Variants in KCNA4 observed in about 807,000 individuals in gnomAD.
The protein encoded by KCNA4 is cardiac potassium channel.
In KCNA4, 5 loss-of-function variants were observed where a neutral mutation model predicts 37.2. The ratio of observed to expected loss-of-function variants is 0.13; its 90% confidence interval spans 0.07 to 0.28. The LOEUF (loss-of-function observed/expected upper bound fraction) is 0.28. Ranked by LOEUF, KCNA4 falls within the 10% of genes least tolerant of loss-of-function variation. KCNA4 has a pLI of 1.00. For synonymous variants in KCNA4, 350 were observed against 311.8 expected (o/e 1.12, Z -1.29); for missense variants, 634 against 817.4 (o/e 0.78, Z 2.74).
rs1850302874 is a variant in KCNA4, at chr11:30,011,509, G to C, written c.1170C>G (p.Cys390Trp). 2.5e-6 allele frequency: 4 copies of C among 1,614,140 alleles called. No individual in the cohort carries two copies. Among genetic ancestry groups the C allele is most frequent in the Non-Finnish European group, 3.4e-6 (4 of 1,180,028 alleles). ...VWFSFEFVVR[C>W]FACPSQALFF... Reference sequence around the variant, plus strand: ...AGAGTGCTTGGCTGGGACAAGCAAAGCAGCGAACCACAAACTCAAAGGAAA... The same window carrying C: ...AGAGTGCTTGGCTGGGACAAGCAAACCAGCGAACCACAAACTCAAAGGAAA... Residue 390 changes from cysteine (C) to tryptophan (W), a missense_variant, in exon 2 of 2, where the codon TGC becomes TGG. Physicochemically the swap from Cys to Trp is radical, Grantham distance 215 (BLOSUM62 -2). Around this residue, in one of 8 missense-constraint regions of KCNA4, gnomAD observed 252 missense variants for 344.2 expected, o/e 0.73. Coordinates refer to ENST00000328224, the MANE Select transcript of KCNA4 (RefSeq NM_002233.4). This position sits in a 1 kb window ranked among gnomAD's most constrained non-coding sequence, Gnocchi z 5.6.
In KCNA4 at chr11:30,012,289, C is replaced by T; in HGVS notation, c.390G>A (p.Glu130=). The change falls in exon 2 of 2, where the codon GAG becomes GAA. Residue 130 remains glutamate, a synonymous_variant. Transcript: ENST00000328224. ...ELSEEEEDEE[E]EEEEEEEGRF... ...TTCCCTCCTCTTCCTCCTCTTCCTC[C>T]TCCTCCTCATCTTCCTCCTCCTCAC... 1.2e-6 allele frequency: 2 copies of T among 1,614,044 alleles called. No individual in the cohort carries two copies. Among genetic ancestry groups the T allele is most frequent in the Non-Finnish European group, 1.7e-6 (2 of 1,179,994 alleles).
intron 1 of KCNA4, among the ~76,000 whole-genome samples, chr11:30,015,340 T>G (rs1009640989): frequency 6.6e-6 from 1 of 151,914 alleles, no homozygotes; most frequent in Admixed American, 6.6e-5. Context: ...CTTCCCCAAC[T>G]CCCCTAAAAC....
Position 30,012,490 on chromosome 11 carries a change from G to A in KCNA4, c.189C>T (p.His63=), listed in dbSNP as rs1216569829. The change falls in exon 2 of 2, where the codon CAC becomes CAT. Residue 63 remains histidine (H), a synonymous_variant. Coordinates refer to ENST00000328224, the MANE Select transcript of KCNA4 (RefSeq NM_002233.4). ...GSGGSGGGSH[H]HHQSRGACTS... is the part of the protein sequence containing the mutation. ...TACAGGCCCCGCGTGACTGGTGGTG[G>A]TGGTGGGAGCCCCCACCAGAACCCC... 6.2e-7 allele frequency: 1 copy of A among 1,610,852 alleles called. No homozygotes were observed. Among genetic ancestry groups the A allele is most frequent in the South Asian group, 1.1e-5 (1 of 91,074 alleles).
rs1850292328 is a variant in KCNA4, at chr11:30,010,453, T to C, written c.*264A>G. ...TCTCTCTCCATCTTTACTGTTAACATCTTTTCCAGTTAATGTGCAAAATTC... is the reference window on the plus strand; with the variant it reads ...TCTCTCTCCATCTTTACTGTTAACACCTTTTCCAGTTAATGTGCAAAATTC... On this transcript the variant is annotated 3_prime_UTR_variant, in exon 2 of 2. Coordinates refer to ENST00000328224, the MANE Select transcript of KCNA4 (RefSeq NM_002233.4). The C allele has an allele frequency of 2.0e-6, 1 of 494,296 alleles. No homozygotes were observed. The allele number at this position is 494,296 out of a possible 1,614,324, so 30.6% of individuals were successfully genotyped here.
rs750806119 is a variant in KCNA4, at chr11:30,011,468, A to G, written c.1211T>C (p.Met404Thr). 6.2e-7 allele frequency: 1 copy of G among 1,614,186 alleles called. No homozygotes were observed. Among genetic ancestry groups the G allele is most frequent in the Non-Finnish European group, 8.5e-7 (1 of 1,180,038 alleles). The change falls in exon 2 of 2, where the codon ATG becomes ACG. Residue 404 changes from methionine (M) to threonine (T), a missense_variant. Physicochemically the swap from Met to Thr is moderately conservative, Grantham distance 81. Coordinates refer to ENST00000328224, the MANE Select transcript of KCNA4 (RefSeq NM_002233.4). This position sits in a 1 kb window ranked among gnomAD's most constrained non-coding sequence, Gnocchi z 5.6. ...AATGGAGACAATGTCAATGATGTTC[A>G]TGATGTTTTTGAAGAAGAGTGCTTG... ...PSQALFFKNIMNIIDIVSILP... is the reference protein window; with the variant it reads ...PSQALFFKNITNIIDIVSILP...
chr11:30,014,950 C>T lies in KCNA4; in HGVS notation c.-782-1490G>A, dbSNP rs143023305. ...GCCATTAACAGGATTCAGCTCTTGA[C>T]CACCTGCTGCTCCTTGCTGATCCTG... On this transcript the variant is annotated intron_variant, in intron 1 of 1. Coordinates refer to ENST00000328224, the MANE Select transcript of KCNA4 (RefSeq NM_002233.4). Among the ~76,000 whole-genome samples the T allele has an allele frequency of 3.3e-5, 5 of 152,182 alleles. 1 individual carries two copies. The highest frequency in any genetic ancestry group is 4.1e-4 in the South Asian group (2 of 4,822).
Position 30,010,613 on chromosome 11 carries a change from G to A in KCNA4, c.*104C>T. The A allele has an allele frequency of 6.8e-7, 1 of 1,471,552 alleles. No homozygotes were observed. Among genetic ancestry groups the A allele is most frequent in the Non-Finnish European group, 9.1e-7 (1 of 1,099,512 alleles). 91.2% of individuals were successfully genotyped at this position (1,471,552 alleles called of 1,614,324 possible). ...TATAACCATTAAATAGTGTACTACT[G>A]TATGCATTGGATCATTTGCATATTT... On this transcript the variant is annotated 3_prime_UTR_variant, in exon 2 of 2. Transcript: ENST00000328224.
chr11:30,015,428 A>T (rs532138508), intron 1 of KCNA4, among the ~76,000 whole-genome samples: 10 of 152,266 alleles, frequency 6.6e-5, no homozygotes, highest in Non-Finnish European at 2.9e-5. Context: ...CTTCCCACCC[A>T]ACTGACTCCC....
At chr11:30,014,173 C>T (rs796745264) in intron 1 of KCNA4, among the ~76,000 whole-genome samples, 146 of 152,288 alleles carry the variant, frequency 9.6e-4, no homozygotes, top group African/African-American at 3.4e-3. Context: ...TATTGTCTAT[C>T]TACACAGCCC....
intron 1 of KCNA4, among the ~76,000 whole-genome samples, chr11:30,013,958 C>G (rs1850329426): frequency 6.6e-6 from 1 of 152,110 alleles, no homozygotes; most frequent in Non-Finnish European, 1.5e-5. Context: ...TAATAATATT[C>G]TTATTCTTTG....
Position 30,010,182 on chromosome 11 carries a change from C to T in KCNA4, c.*535G>A, listed in dbSNP as rs1464213452. On this transcript the variant is annotated 3_prime_UTR_variant, in exon 2 of 2. Transcript: ENST00000328224. ...ATTAAATCCAAGATAAAATTGTGAC[C>T]TATAGTCTATTAAATAATTTACTTT... 1 of 152,306 alleles carries T rather than the reference C, an allele frequency of 6.6e-6. No individual in the cohort carries two copies. The highest frequency in any genetic ancestry group is 2.4e-5 in the African/African-American group (1 of 41,398). 9.4% of individuals were successfully genotyped at this position (152,306 alleles called of 1,614,324 possible).
chr11:30,010,115 C>A lies in KCNA4; in HGVS notation c.*602G>T, dbSNP rs1297239769. The A allele has an allele frequency of 1.3e-5, 2 of 152,168 alleles. No homozygotes were observed. Among genetic ancestry groups the A allele is most frequent in the Admixed American group, 6.5e-5 (1 of 15,272 alleles). 9.4% of individuals were successfully genotyped at this position (152,168 alleles called of 1,614,324 possible). On this transcript the variant is annotated 3_prime_UTR_variant, in exon 2 of 2. Coordinates refer to ENST00000328224, the MANE Select transcript of KCNA4 (RefSeq NM_002233.4). ...TATAATCAATTTCTAAAGGCCCTTG[C>A]AGCCTTTTTAAAAGTTAATTTCCAG...
In KCNA4 at chr11:30,011,901, G is replaced by A; in HGVS notation, c.778C>T (p.Gln260Ter). 6.2e-7 allele frequency: 1 copy of A among 1,614,086 alleles called. No homozygotes were observed. The change falls in exon 2 of 2, where the codon CAG (glutamine) becomes TAG (stop). Residue 260 changes from glutamine (Q) to a stop codon, truncating the protein, a stop_gained. Coordinates refer to ENST00000328224, the MANE Select transcript of KCNA4 (RefSeq NM_002233.4). LOFTEE classifies it high-confidence loss of function. The surrounding 1 kb of genome is among the most constrained non-coding windows in gnomAD (Gnocchi z 5.6). ...DIFTEEVKFY[Q>*]LGEEALLKFR... ...TTCAACAGGGCCTCCTCCCCCAACT[G>A]ATAGAACTTCACCTCCTCAGTGAAG...
In KCNA4 at chr11:30,012,317, A is replaced by G; in HGVS notation, c.362T>C (p.Leu121Pro). 1 of 1,613,526 alleles carries G rather than the reference A, an allele frequency of 6.2e-7. No individual in the cohort carries two copies. Among genetic ancestry groups the G allele is most frequent in the Non-Finnish European group, 8.5e-7 (1 of 1,179,860 alleles). The change falls in exon 2 of 2, where the codon CTG (leucine) becomes CCG (proline). Residue 121 changes from leucine (L) to proline (P), a missense_variant. Physicochemically the swap from Leu to Pro is moderately conservative, Grantham distance 98 (BLOSUM62 -3). Transcript: ENST00000328224. ...SGSEEKILRE[L>P]SEEEEDEEEE... is the part of the protein sequence containing the mutation. ...CTCCTCATCTTCCTCCTCCTCACTCAGCTCCCTCAGGATCTTCTCCTCAGA... is the reference window on the plus strand; with the variant it reads ...CTCCTCATCTTCCTCCTCCTCACTCGGCTCCCTCAGGATCTTCTCCTCAGA...
At position 30,012,211 on chromosome 11, in the gene KCNA4, C is replaced by T. The variant is rs759453231; in HGVS notation, c.468G>A (p.Leu156=). 2 of 1,614,156 alleles carry T rather than the reference C, an allele frequency of 1.2e-6. No homozygotes were observed. Among genetic ancestry groups the T allele is most frequent in the Admixed American group, 1.7e-5 (1 of 60,020 alleles). ...DHGDECSYTD[L]LPQDEGGGGY... is the part of the protein sequence containing the mutation. ...CGCCACCGCCCTCATCCTGAGGCAG[C>T]AGATCCGTGTAGGAACACTCATCAC... Residue 156 remains leucine (L), a synonymous_variant, in exon 2 of 2, where the codon CTG becomes CTA. Transcript: ENST00000328224.
In KCNA4 at chr11:30,016,976, C is replaced by G. The variant is rs758798649; in HGVS notation, c.-1187G>C. ...CCTCCTCCAACATCCATCCCTCTCT[C>G]GCTCTCGCTGGCTGCGGGAGCAGCA... is the stretch of plus-strand genomic sequence containing the variant. On this transcript the variant is annotated 5_prime_UTR_variant, in exon 1 of 2. Transcript: ENST00000328224. 1 of 398,764 alleles carries G rather than the reference C, an allele frequency of 2.5e-6. No individual in the cohort carries two copies. Among genetic ancestry groups the G allele is most frequent in the Admixed American group, 4.4e-5 (1 of 22,746 alleles). 24.7% of individuals were successfully genotyped at this position (398,764 alleles called of 1,614,324 possible). A position where few individuals can be genotyped will look rare whatever the true frequency, so the allele number is the denominator to read the frequency against.
At position 30,010,410 on chromosome 11, in the gene KCNA4, A is replaced by G; in HGVS notation, c.*307T>C. On this transcript the variant is annotated 3_prime_UTR_variant, in exon 2 of 2. Transcript: ENST00000328224. ...TTACTTCACACACACACACATATAC[A>G]CACACACGCACACACTCTCTCTCTC... 1 of 377,046 alleles carries G rather than the reference A, an allele frequency of 2.7e-6. No homozygotes were observed. Among genetic ancestry groups the G allele is most frequent in the Non-Finnish European group, 4.7e-6 (1 of 211,140 alleles). The allele number at this position is 377,046 out of a possible 1,614,324, so 23.4% of individuals were successfully genotyped here. A position where few individuals can be genotyped will look rare whatever the true frequency, so the allele number is the denominator to read the frequency against.
At chr11:30,016,230 C>G (rs926588208) in intron 1 of KCNA4, 1 of 151,994 alleles carries the variant, frequency 6.6e-6, no homozygotes, top group Non-Finnish European at 1.5e-5. Context: ...GGAGGCGAAA[C>G]GATGCTAAAT....
chr11:30,015,828 T>C (rs1326979122), intron 1 of KCNA4, among the ~76,000 whole-genome samples: 1 of 152,076 alleles, frequency 6.6e-6, no homozygotes, highest in Non-Finnish European at 1.5e-5. Context: ...TCTTCTTCTT[T>C]AACACCATTA....
Sources: allele counts gnomAD v4.1 joint callset (sites outside exome capture counted in the v4.1 genomes callset), GRCh38; gene constraint gnomAD v4.1.1; regional missense constraint gnomAD v4.1.1; non-coding constraint Gnocchi (gnomAD v3.1); transcripts MANE v1.5; gene names NCBI Gene and HGNC (gene_info 2026-07-23, HGNC 2026-07-21).